The following ERCC6 variants were observed in gnomAD, a reference collection of about 807,000 sequenced individuals.
The protein encoded by ERCC6 is ERCC excision repair 6, chromatin remodeling factor, also known as DNA excision repair protein ERCC-6.
Under a neutral mutation model 158.7 loss-of-function variants are expected in ERCC6, and 116 were observed. The ratio of observed to expected loss-of-function variants is 0.73; its 90% CI spans 0.63 to 0.85. The LOEUF is 0.85. Ranked by LOEUF, ERCC6 falls within the 40% of genes least tolerant of loss-of-function variation. The pLI, the probability that ERCC6 is intolerant of heterozygous loss-of-function variation, is 0.00. For missense variants in ERCC6, 1,698 were observed against 1,799.4 expected, an observed-to-expected ratio of 0.94 and a Z score of 1.02; for synonymous variants, 678 against 659.3, an observed-to-expected ratio of 1.03 and a Z score of -0.43.
At chr10:49,494,073 C>T (rs1341810669) in intron 7 of ERCC6, among the ~76,000 whole-genome samples, 1 of 152,206 alleles carries the variant, frequency 6.6e-6, no homozygotes, top group Admixed American at 6.5e-5. Flanking sequence ...AAAGTGGGTG[C>T]TACCTATGTC....
intron 5 of ERCC6, chr10:49,515,651 C>T: frequency 6.2e-7 from 1 of 1,614,088 alleles, no homozygotes; most frequent in South Asian, 1.1e-5. Context: ...CGAAACAGAA[C>T]AAAAGAGGGC....
the ERCC6 span, among the ~76,000 whole-genome samples, chr10:49,441,986 C>T: frequency 6.6e-6 from 1 of 152,294 alleles, no homozygotes; most frequent in African/African-American, 2.4e-5. Flanking sequence ...GAACGGCCTC[C>T]TCCTCCAGGA....
rs755721992 is a variant in ERCC6 at position 49,532,706 on chromosome 10, C to T, written c.259G>A (p.Ala87Thr). 13 of 1,614,198 alleles carry T rather than the reference C, an allele frequency of 8.1e-6. No individual in the cohort carries two copies. The Admixed American group carries it at 1.3e-4, about 17-fold the overall frequency. ...RHQIQAVEPS[A>T]QALELQGLGV... Reference sequence around the variant, plus strand: ...AAACCCTGCAGCTCAAGGGCCTGGGCGCTAGGCTCTACTGCCTGGATCTGA... The same window carrying T: ...AAACCCTGCAGCTCAAGGGCCTGGGTGCTAGGCTCTACTGCCTGGATCTGA... The change falls in exon 2 of 21, where the codon GCC (alanine) becomes ACC (threonine). Residue 87 changes from alanine (A) to threonine (T), a missense_variant. Coordinates refer to ENST00000355832, the MANE Select transcript of ERCC6 (RefSeq NM_000124.4).
chr10:49,520,918 T>C (rs189233856), intron 5 of ERCC6, among the ~76,000 whole-genome samples: 14 of 152,256 alleles, frequency 9.2e-5, no homozygotes, highest in Non-Finnish European at 1.8e-4. Flanking sequence ...TAGGGGCAAA[T>C]GCGTAACATT....
At position 49,528,494 on chromosome 10, in the gene ERCC6, T is replaced by C. The variant is rs1564445077; in HGVS notation, c.575A>G (p.Gln192Arg). The change falls in exon 4 of 21, where the codon CAA becomes CGA. Residue 192 changes from glutamine to arginine, a missense_variant. Transcript: ENST00000355832. ...TCCAAGGATGGCCTGGAGATGCTTT[T>C]GTTTTGCAGTGATCTTTTTTAGCTG... ...EQQLKKITAK[Q>R]KHLQAILGGA... 1.2e-6 allele frequency: 2 copies of C among 1,614,220 alleles called. No individual in the cohort carries two copies. Among genetic ancestry groups the C allele is most frequent in the African/African-American group, 2.7e-5 (2 of 75,062 alleles).
In ERCC6 at chr10:49,472,324, T is replaced by A. The variant is rs569007339; in HGVS notation, c.2924+52A>T. 2.3e-5 allele frequency: 34 copies of A among 1,499,226 alleles called. 1 individual carries two copies. The South Asian group carries it at 3.7e-4, about 16-fold the overall frequency. The allele number at this position is 1,499,226 out of a possible 1,614,324, so 92.9% of individuals were successfully genotyped here. A position where few individuals can be genotyped will look rare whatever the true frequency, so the allele number is the denominator to read the frequency against. On this transcript the variant is annotated intron_variant, in intron 16 of 20. Coordinates refer to ENST00000355832, the MANE Select transcript of ERCC6 (RefSeq NM_000124.4). Reference sequence around the variant, plus strand: ...AAAACAACACTTTGGAAAAATTCCCTGCTCAAGACTCTGGGAACGCACAGC... The same window carrying A: ...AAAACAACACTTTGGAAAAATTCCCAGCTCAAGACTCTGGGAACGCACAGC...
chr10:49,461,181 A>T (rs952227097), intron 19 of ERCC6, among the ~76,000 whole-genome samples, 171 bp downstream of exon 19: 7 of 152,256 alleles, frequency 4.6e-5, no homozygotes, highest in Non-Finnish European at 8.8e-5. Flanking sequence ...GGAGGAAGGC[A>T]AAGTTATAAC....
chr10:49,517,557 T>C (rs780606871), intron 5 of ERCC6, among the ~76,000 whole-genome samples: 10 of 152,142 alleles, frequency 6.6e-5, no homozygotes, highest in Admixed American at 3.9e-4. Flanking sequence ...TAGGCATAAA[T>C]AGGTTTTAAA....
At chr10:49,473,683 G>T in intron 13 of ERCC6, 96 bp from the exon 14 acceptor site, 1 of 803,826 alleles carries the variant, frequency 1.2e-6, no homozygotes, top group Non-Finnish European at 2.3e-6. Context: ...TCCCCAACAG[G>T]CCTATGTTAA....
In ERCC6 at chr10:49,500,712, C is replaced by A. The variant is rs200100617; in HGVS notation, c.1527-16G>T. The stretch of plus-strand genomic sequence containing the variant: ...CTGCTGGTACCTATGACAACAAACA[C>A]CAACAAGAAAAGAGAAAATGGCAAA... On this transcript the variant is annotated splice_polypyrimidine_tract_variant and intron_variant, in intron 6 of 20. Coordinates refer to ENST00000355832, the MANE Select transcript of ERCC6 (RefSeq NM_000124.4). The A allele has an allele frequency of 2.4e-5, 39 of 1,612,980 alleles. No homozygotes were observed. The African/African-American group carries it at 4.8e-4, about 20-fold the overall frequency.
chr10:49,441,541 C>G, the ERCC6 span, among the ~76,000 whole-genome samples: 4 of 152,220 alleles, frequency 2.6e-5, no homozygotes, highest in Admixed American at 2.6e-4. Context: ...CCTCCTCTTC[C>G]CTTGCCTGTG....
intron 5 of ERCC6, among the ~76,000 whole-genome samples, chr10:49,507,130 C>A (rs373904287): frequency 6.6e-6 from 1 of 152,140 alleles, no homozygotes; most frequent in Admixed American, 6.6e-5. Context: ...GTATCCATTA[C>A]AAAACCACAC....
chr10:49,538,332 A>G (rs1301760627), intron 1 of ERCC6, among the ~76,000 whole-genome samples: 2 of 152,240 alleles, frequency 1.3e-5, no homozygotes, highest in African/African-American at 4.8e-5. Flanking sequence ...AGTGCAATGG[A>G]ATGACTCTGA....
In ERCC6 at chr10:49,505,977, T is replaced by TGA. The variant is rs886047037; in HGVS notation, c.1432_1433insTC (p.Lys478IlefsTer4). 1.2e-6 allele frequency: 2 copies of TGA among 1,613,486 alleles called. No individual in the cohort carries two copies. Among genetic ancestry groups the TGA allele is most frequent in the Non-Finnish European group, 1.7e-6 (2 of 1,179,582 alleles). ...AGAATCGTCCTCCAGCTTCAGACGT[T>TGA]TCTCTTTGTCCTGCAGTCTCAGTTT... On this transcript the variant is annotated frameshift_variant, in exon 6 of 21. Coordinates refer to ENST00000355832, the MANE Select transcript of ERCC6 (RefSeq NM_000124.4). LOFTEE classifies it high-confidence loss of function.
At position 49,470,356 on chromosome 10, in the gene ERCC6, G is replaced by A. The variant is rs1369968395; in HGVS notation, c.3604C>T (p.Pro1202Ser). The part of the protein sequence containing the change: ...EEETLEKHLR[P>S]KQKPKNSKHC... ...TTAGAGTTCTTAGGCTTTTGCTTTG[G>A]TCTCAGATGTTTCTCCAGGGTCTCT... Residue 1202 changes from proline to serine, a missense_variant, in exon 18 of 21, where the codon CCA becomes TCA. Pro to Ser is a moderately conservative substitution (Grantham distance 74). Transcript: ENST00000355832. The A allele has an allele frequency of 6.2e-7, 1 of 1,614,164 alleles. No homozygotes were observed. Among genetic ancestry groups the A allele is most frequent in the Non-Finnish European group, 8.5e-7 (1 of 1,180,034 alleles).
chr10:49,448,036 A>T, the ERCC6 span, among the ~76,000 whole-genome samples: 3 of 152,328 alleles, frequency 2.0e-5, no homozygotes, highest in Non-Finnish European at 4.4e-5. Flanking sequence ...ACCAGTTTTC[A>T]GTTTGTGGAA....
In ERCC6 at chr10:49,458,754, A is replaced by ATT; in HGVS notation, c.*60_*61insAA. The ATT allele has an allele frequency of 1.1e-5, 16 of 1,487,112 alleles. No individual in the cohort carries two copies. Among genetic ancestry groups the ATT allele is most frequent in the Non-Finnish European group, 1.5e-5 (16 of 1,066,152 alleles). 92.1% of individuals were successfully genotyped at this position (1,487,112 alleles called of 1,614,324 possible). Reference sequence around the variant, plus strand: ...TTGACAAACATGATTATTAATAATAAATTAATAATCAGAAATGCCCGTTAG... The same window carrying ATT: ...TTGACAAACATGATTATTAATAATAATTATTAATAATCAGAAATGCCCGTTAG... On this transcript the variant is annotated 3_prime_UTR_variant, in exon 21 of 21. Transcript: ENST00000355832.
chr10:49,458,669 T>TA lies in ERCC6; in HGVS notation c.*145dup. ...TTTCAGAGAAGAGTTTCTTCTTCCT[T>TA]AAAGTTTTAATTCTGAGGTAGACAT... is the stretch of plus-strand genomic sequence containing the variant. On this transcript the variant is annotated 3_prime_UTR_variant, in exon 21 of 21. Transcript: ENST00000355832. The TA allele has an allele frequency of 1.3e-6, 1 of 769,684 alleles. No homozygotes were observed. The highest frequency in any genetic ancestry group is 2.1e-6 in the Non-Finnish European group (1 of 470,754). The allele number at this position is 769,684 out of a possible 1,614,324, so 47.7% of individuals were successfully genotyped here.
chr10:49,437,001 T>G, the ERCC6 span, among the ~76,000 whole-genome samples: 63,703 of 152,120 alleles, frequency 0.42, 14,347 homozygotes, highest in Non-Finnish European at 0.5. Flanking sequence ...GTAGCTCCCA[T>G]AATTCCCACC....
Sources: allele counts gnomAD v4.1 joint callset (sites outside exome capture counted in the v4.1 genomes callset), GRCh38; gene constraint gnomAD v4.1.1; transcripts MANE v1.5; gene names NCBI Gene and HGNC (gene_info 2026-07-23, HGNC 2026-07-21).